The following DSC1 variants were observed in gnomAD, a reference collection of about 807,000 sequenced individuals.
DSC1 encodes desmocollin-1.
DSC1 carries 79 observed loss-of-function variants against 98.8 expected under a neutral mutation model. The ratio of observed to expected loss-of-function variants is 0.80; its 90% CI spans 0.67 to 0.96. The LOEUF (loss-of-function observed/expected upper bound fraction) is 0.96. Among genes scored for constraint, DSC1 ranks in the 50% least tolerant of loss-of-function variants. The pLI, the probability that DSC1 is intolerant of heterozygous loss-of-function variation, is 0.00. For synonymous variants in DSC1, 405 were observed against 372.1 expected (o/e 1.09, Z -1.02); for missense variants, 1,115 against 1,075.9 (o/e 1.04, Z -0.51).
rs1423511706 is a variant in DSC1 at position 31,155,592 on chromosome 18, T to TG, written c.471+450_471+451insC. Among the ~76,000 whole-genome samples the TG allele has an allele frequency of 2.0e-5, 3 of 152,326 alleles. No individual in the cohort carries two copies. In the East Asian group the frequency reaches 5.8e-4, roughly 29 times the overall value. Reference sequence around the variant, plus strand: ...TTGCGGTGAGCTGAGCTGATGCCACTATACTCCAAAATTTCAAAACTGTTC... The same window carrying TG: ...TTGCGGTGAGCTGAGCTGATGCCACTGATACTCCAAAATTTCAAAACTGTTC... On this transcript the variant is annotated intron_variant, in intron 4 of 15. Transcript: ENST00000257198.
chr18:31,146,136 G>A (rs574465006), intron 6 of DSC1, among the ~76,000 whole-genome samples: 1 of 152,212 alleles, frequency 6.6e-6, no homozygotes, highest in Admixed American at 6.5e-5. Context: ...GTTTGTTACA[G>A]GGGTATATTG....
rs116195571 is a variant in DSC1, at chr18:31,153,041, G to C, written c.627+1733C>G. On this transcript the variant is annotated intron_variant, in intron 5 of 15. Coordinates refer to ENST00000257198, the MANE Select transcript of DSC1 (RefSeq NM_024421.2). ...CGAAATTATTTAAAAGTTTAACTTT[G>C]AGGATAAATTTCAACCTATTTTATT... Among the ~76,000 whole-genome samples, 808 of 151,530 alleles carry C rather than the reference G, an allele frequency of 5.3e-3. 7 individuals are homozygous for C. Among genetic ancestry groups the C allele is most frequent in the African/African-American group, 0.018 (764 of 41,326 alleles).
intron 4 of DSC1, among the ~76,000 whole-genome samples, chr18:31,155,571 G>A (rs2577064): frequency 0.56 from 85,225 of 151,918 alleles, 24,187 homozygotes; most frequent in East Asian, 0.66. Flanking sequence ...CAGAGGTTGC[G>A]GTGAGCTGAG....
rs764295809 is a variant in DSC1 at position 31,130,484 on chromosome 18, C to T, written c.*30G>A. 5.8e-5 allele frequency: 94 copies of T among 1,609,386 alleles called. No homozygotes were observed. The highest frequency in any genetic ancestry group is 7.7e-5 in the Non-Finnish European group (91 of 1,176,296). On this transcript the variant is annotated 3_prime_UTR_variant, in exon 16 of 16. Transcript: ENST00000257198. ...AAGTAATAAATTCCTACTTATGCAT[C>T]TGTGGATATTACACTATTAAAAGGC... is the stretch of plus-strand genomic sequence containing the variant.
At position 31,134,396 on chromosome 18, in the gene DSC1, G is replaced by C. The variant is rs543744689; in HGVS notation, c.1876+176C>G. ...TTTTCTTAAAAGATATTCAGAACAA[G>C]AGTCTAAGCTCATCACAATGGCACT... On this transcript the variant is annotated intron_variant, in intron 12 of 15. Coordinates refer to ENST00000257198, the MANE Select transcript of DSC1 (RefSeq NM_024421.2). Among the ~76,000 whole-genome samples the C allele has an allele frequency of 6.6e-5, 10 of 152,122 alleles. No individual in the cohort carries two copies. The East Asian group carries it at 7.7e-4, about 12-fold the overall frequency.
chr18:31,130,581 C>G lies in DSC1; in HGVS notation c.2618G>C (p.Gly873Ala), dbSNP rs1462920557. ...GCCSDRQEEE[G>A]LEFLDHLEPK... ...TTCCAGGTGATCTAGAAACTCCAGT[C>G]CCTCTTCTTCCTGCCGATCGCTGCA... The change falls in exon 16 of 16, where the codon GGA (glycine) becomes GCA (alanine). Residue 873 changes from glycine to alanine, a missense_variant. Coordinates refer to ENST00000257198, the MANE Select transcript of DSC1 (RefSeq NM_024421.2). 1 of 1,614,140 alleles carries G rather than the reference C, an allele frequency of 6.2e-7. No homozygotes were observed. Among genetic ancestry groups the G allele is most frequent in the East Asian group, 2.2e-5 (1 of 44,880 alleles).
At position 31,132,089 on chromosome 18, in the gene DSC1, G is replaced by C. The variant is rs1988505586; in HGVS notation, c.2239-247C>G. 5.7e-6 allele frequency: 3 copies of C among 527,062 alleles called. No homozygotes were observed. The Admixed American group carries it at 9.5e-5, about 17-fold the overall frequency. The allele number at this position is 527,062 out of a possible 1,614,324, so 32.6% of individuals were successfully genotyped here. A position where few individuals can be genotyped will look rare whatever the true frequency, so the allele number is the denominator to read the frequency against. Reference sequence around the variant, plus strand: ...AATAGGGTCATTGTAGATGTAATTAGCTAAGATGAGGTTATATGGGATTAG... The same window carrying C: ...AATAGGGTCATTGTAGATGTAATTACCTAAGATGAGGTTATATGGGATTAG... On this transcript the variant is annotated intron_variant, in intron 14 of 15. Transcript: ENST00000257198.
chr18:31,160,656 C>T (rs941228361), intron 1 of DSC1, among the ~76,000 whole-genome samples: 1 of 152,082 alleles, frequency 6.6e-6, no homozygotes, highest in African/African-American at 2.4e-5. Flanking sequence ...GTGAGACATT[C>T]GTATTTATTT....
intron 6 of DSC1, among the ~76,000 whole-genome samples, chr18:31,147,437 T>TTAGC (rs1194616382): frequency 6.6e-6 from 1 of 152,176 alleles, no homozygotes; most frequent in African/African-American, 2.4e-5. Context: ...TATGTATCAA[T>TTAGC]TAGCTGCCTT....
In DSC1 at chr18:31,143,646, GGT is replaced by G; in HGVS notation, c.1074+9_1074+10del. 2 of 1,562,592 alleles carry G rather than the reference GGT, an allele frequency of 1.3e-6. No individual in the cohort carries two copies. Among genetic ancestry groups the G allele is most frequent in the Non-Finnish European group, 1.7e-6 (2 of 1,155,090 alleles). Reference sequence around the variant, plus strand: ...ATAAATCTAGATGAATGAATAGAGAGGTATACTCACAGAAGTTTCTGTGAAAG... The same window carrying G: ...ATAAATCTAGATGAATGAATAGAGAGATACTCACAGAAGTTTCTGTGAAAG... On this transcript the variant is annotated intron_variant, in intron 8 of 15. Coordinates refer to ENST00000257198, the MANE Select transcript of DSC1 (RefSeq NM_024421.2).
intron 3 of DSC1, 144 bp from the exon 4 acceptor site, chr18:31,156,306 A>AACAC: frequency 2.2e-6 from 2 of 915,158 alleles, no homozygotes; most frequent in African/African-American, 1.7e-5. Flanking sequence ...CTATTGATAA[A>AACAC]ACACACACAC....
At chr18:31,143,961 G>A (rs1411024326) in intron 7 of DSC1, among the ~76,000 whole-genome samples, 170 bp from the exon 8 acceptor site, 1 of 152,014 alleles carries the variant, frequency 6.6e-6, no homozygotes, top group African/African-American at 2.4e-5. Flanking sequence ...CCAGGCTGGA[G>A]TGCAGTGGCA....
intron 1 of DSC1, among the ~76,000 whole-genome samples, chr18:31,162,320 C>T (rs1387876865): frequency 1.3e-5 from 2 of 152,132 alleles, no homozygotes; most frequent in Non-Finnish European, 2.9e-5. Flanking sequence ...AACACTCTGG[C>T]AGTGGGTGCT....
At chr18:31,138,608 T>A (rs1988661856) in intron 11 of DSC1, among the ~76,000 whole-genome samples, 1 of 73,122 alleles carries the variant, frequency 1.4e-5, no homozygotes, top group African/African-American at 4.3e-5. Flanking sequence ...ATTGTTTGCA[T>A]TTTGTTATTA....
intron 8 of DSC1, among the ~76,000 whole-genome samples, chr18:31,142,556 G>T (rs900628564): frequency 2.0e-5 from 3 of 152,106 alleles, no homozygotes; most frequent in Non-Finnish European, 4.4e-5. Context: ...TAAACACTCA[G>T]TACTTGTAGG....
At chr18:31,144,604 G>A (rs1189299753) in intron 7 of DSC1, among the ~76,000 whole-genome samples, 1 of 152,168 alleles carries the variant, frequency 6.6e-6, no homozygotes, top group African/African-American at 2.4e-5. Flanking sequence ...AATTAAGAGA[G>A]AAGAAGGCAT....
rs1988701927 is a variant in DSC1 at position 31,140,146 on chromosome 18, G to A, written c.1416C>T (p.His472=). Residue 472 remains histidine (H), a synonymous_variant, in exon 10 of 16, where the codon CAC becomes CAT. Transcript: ENST00000257198. The part of the protein sequence containing the change: ...IIDSDEGPEC[H]PPVKVIQSQD... Reference sequence around the variant, plus strand: ...GACTCTGAATAACTTTCACTGGAGGGTGGCATTCAGGGCCCTCATCACTGT... The same window carrying A: ...GACTCTGAATAACTTTCACTGGAGGATGGCATTCAGGGCCCTCATCACTGT... 1.2e-6 allele frequency: 2 copies of A among 1,613,856 alleles called. No homozygotes were observed. Among genetic ancestry groups the A allele is most frequent in the African/African-American group, 1.3e-5 (1 of 74,896 alleles).
chr18:31,145,464 G>C, intron 7 of DSC1, 147 bp downstream of exon 7: 1 of 747,532 alleles, frequency 1.3e-6, no homozygotes, highest in Non-Finnish European at 2.2e-6. Flanking sequence ...TCTAAGGACC[G>C]AGGACATCTC....
rs767579974 is a variant in DSC1 at position 31,130,070 on chromosome 18, G to A, written c.*444C>T. On this transcript the variant is annotated 3_prime_UTR_variant, in exon 16 of 16. Transcript: ENST00000257198. ...TTTAAACCACTCAGGTGGAGAGAAT[G>A]CAATTATCTGGCACCAACTATGTTC... 11 of 161,198 alleles carry A rather than the reference G, an allele frequency of 6.8e-5. No homozygotes were observed. Among genetic ancestry groups the A allele is most frequent in the Non-Finnish European group, 2.7e-5 (2 of 73,412 alleles). 10.0% of individuals were successfully genotyped at this position (161,198 alleles called of 1,614,324 possible). A position where few individuals can be genotyped will look rare whatever the true frequency, so the allele number is the denominator to read the frequency against.
Sources: allele counts gnomAD v4.1 joint callset (sites outside exome capture counted in the v4.1 genomes callset), GRCh38; gene constraint gnomAD v4.1.1; transcripts MANE v1.5; gene names NCBI Gene and HGNC (gene_info 2026-07-23, HGNC 2026-07-21).